TTC12: variants seen among roughly 807,000 people sequenced by gnomAD.
TTC12 encodes the protein tetratricopeptide repeat domain 12.
In TTC12, 70 loss-of-function variants were observed where a neutral mutation model predicts 90.1. The observed-to-expected ratio is 0.78, with a 90% confidence interval of 0.64 to 0.95. The LOEUF is 0.95. Among genes scored for constraint, TTC12 ranks in the 40% least tolerant of loss-of-function variants. The pLI, the probability that TTC12 is intolerant of heterozygous loss-of-function variation, is 0.00. For synonymous variants in TTC12, 296 were observed against 311.5 expected, an observed-to-expected ratio of 0.95 and a Z score of 0.53; for missense variants, 819 against 846.1, an observed-to-expected ratio of 0.97 and a Z score of 0.40.
intron 19 of TTC12, 89 bp from the exon 20 acceptor site, chr11:113,363,739 C>T (rs1950061034): frequency 1.3e-5 from 11 of 863,878 alleles, no homozygotes; most frequent in Non-Finnish European, 2.0e-5. Context: ...TAGGAAGCCA[C>T]TAGCGCTATA....
At position 113,346,302 on chromosome 11, in the gene TTC12, C is replaced by G. The variant is rs377346555; in HGVS notation, c.1154+1862C>G. ...AGGCCCCGGCATCTCATCTGCATCACTCACTTATGATGACACGGGGGGTGA... is the reference window on the plus strand; with the variant it reads ...AGGCCCCGGCATCTCATCTGCATCAGTCACTTATGATGACACGGGGGGTGA... On this transcript the variant is annotated intron_variant, in intron 13 of 21. Coordinates refer to ENST00000529221, the MANE Select transcript of TTC12 (RefSeq NM_017868.4). 8.7e-4 allele frequency among the ~76,000 whole-genome samples: 133 copies of G among 152,212 alleles called. 3 individuals carry two copies. The South Asian group carries it at 0.027, about 31-fold the overall frequency.
intron 1 of TTC12, 81 bp from the exon 2 acceptor site, chr11:113,316,162 A>G (rs1555135423): frequency 1.2e-5 from 7 of 561,808 alleles, no homozygotes; most frequent in Non-Finnish European, 2.9e-6. Context: ...CTTGGCTCTT[A>G]GTTTTAGAAG....
intron 6 of TTC12, among the ~76,000 whole-genome samples, chr11:113,328,420 A>G (rs1947824161): frequency 6.6e-6 from 1 of 152,148 alleles, no homozygotes. Context: ...GTTTGAATGG[A>G]TCACGGAATT....
At chr11:113,345,766 T>C (rs919930008) in intron 13 of TTC12, among the ~76,000 whole-genome samples, 18 of 152,152 alleles carry the variant, frequency 1.2e-4, no homozygotes, top group African/African-American at 4.3e-4. Flanking sequence ...GATACCTTCA[T>C]CGTATTTTTT....
chr11:113,338,698 C>G, intron 8 of TTC12, 76 bp from the exon 9 acceptor site: 7 of 1,140,720 alleles, frequency 6.1e-6, no homozygotes, highest in Non-Finnish European at 6.5e-6. Context: ...AGCAGCCAAG[C>G]CCAATGACAC....
At chr11:113,359,212 A>G (rs1290252021) in intron 16 of TTC12, 151 bp from the exon 17 acceptor site, 9 of 571,164 alleles carry the variant, frequency 1.6e-5, no homozygotes, top group African/African-American at 7.5e-5. Flanking sequence ...AACTCATAGA[A>G]CTGGTCTCTG....
chr11:113,315,075 C>T, intron 1 of TTC12: 1 of 152,486 alleles, frequency 6.6e-6, no homozygotes, highest in Non-Finnish European at 1.5e-5. Flanking sequence ...TTCTAACCTT[C>T]ATACCGTTGG....
intron 12 of TTC12, 49 bp downstream of exon 12, chr11:113,341,974 G>T: frequency 6.7e-7 from 1 of 1,503,370 alleles, no homozygotes; most frequent in Non-Finnish European, 9.3e-7. Context: ...CTGCGTGCAG[G>T]AACTACGCTG....
chr11:113,340,841 C>G (rs377466756), intron 11 of TTC12, 108 bp downstream of exon 11: 23 of 934,522 alleles, frequency 2.5e-5, no homozygotes, highest in Admixed American at 1.1e-4. Flanking sequence ...AACATTACCC[C>G]CCTTCAGTCA....
Position 113,316,325 on chromosome 11 carries a change from A to G in TTC12, c.58+10A>G, listed in dbSNP as rs782519713. On this transcript the variant is annotated intron_variant, in intron 2 of 21. Coordinates refer to ENST00000529221, the MANE Select transcript of TTC12 (RefSeq NM_017868.4). Reference sequence around the variant, plus strand: ...AATGTGGATGAAATCTGTAAGTACTAGTAAATCATAAATTAATTTCTGCTT... The same window carrying G: ...AATGTGGATGAAATCTGTAAGTACTGGTAAATCATAAATTAATTTCTGCTT... 6 of 1,338,262 alleles carry G rather than the reference A, an allele frequency of 4.5e-6. No individual in the cohort carries two copies. Among genetic ancestry groups the G allele is most frequent in the Non-Finnish European group, 6.0e-6 (6 of 999,252 alleles). 82.9% of individuals were successfully genotyped at this position (1,338,262 alleles called of 1,614,324 possible).
intron 2 of TTC12, among the ~76,000 whole-genome samples, chr11:113,320,581 T>C (rs1947249206): frequency 6.6e-6 from 1 of 152,196 alleles, no homozygotes; most frequent in Non-Finnish European, 1.5e-5. Context: ...ACATTCATCC[T>C]TTAGTCCTGT....
intron 6 of TTC12, among the ~76,000 whole-genome samples, chr11:113,326,170 G>T (rs781950636): frequency 5.9e-5 from 9 of 152,108 alleles, no homozygotes; most frequent in Admixed American, 2.0e-4. Flanking sequence ...GAAATTTTGG[G>T]TTTCTGAAGG....
At chr11:113,315,483 T>C (rs1946876832) in intron 1 of TTC12, among the ~76,000 whole-genome samples, 1 of 152,170 alleles carries the variant, frequency 6.6e-6, no homozygotes, top group Non-Finnish European at 1.5e-5. Flanking sequence ...ACCTGGAAAG[T>C]GTTTAAAATC....
At chr11:113,344,136 CCA>C (rs1948820250) in intron 12 of TTC12, 134 bp from the exon 13 acceptor site, 9 of 1,024,654 alleles carry the variant, frequency 8.8e-6, no homozygotes, top group Non-Finnish European at 1.3e-5. Context: ...GTTCTAGAAT[CCA>C]CACTCTTACA....
At chr11:113,336,254 A>G (rs1296074949) in intron 8 of TTC12, among the ~76,000 whole-genome samples, 1 of 152,036 alleles carries the variant, frequency 6.6e-6, no homozygotes, top group Non-Finnish European at 1.5e-5. Context: ...TGAGGTGTAA[A>G]TGTTATTTAT....
At chr11:113,351,360 G>A (rs1949284349) in intron 15 of TTC12, 61 bp downstream of exon 15, 3 of 1,336,856 alleles carry the variant, frequency 2.2e-6, no homozygotes, top group Non-Finnish European at 3.2e-6. Context: ...GAATGGGGCT[G>A]TTTAAACACA....
chr11:113,329,611 T>G (rs1555142024), intron 6 of TTC12: 1 of 502,942 alleles, frequency 2.0e-6, no homozygotes, highest in African/African-American at 1.9e-5. Flanking sequence ...ATTTTGTTCA[T>G]TGCTCCCTCC....
chr11:113,351,767 A>G (rs1555150301), intron 15 of TTC12, among the ~76,000 whole-genome samples: 2 of 152,198 alleles, frequency 1.3e-5, no homozygotes, highest in African/African-American at 4.8e-5. Context: ...CTTAGAGAGC[A>G]TAACCACACC....
intron 8 of TTC12, among the ~76,000 whole-genome samples, chr11:113,336,614 C>A (rs562867749): frequency 2.6e-5 from 4 of 152,106 alleles, no homozygotes; most frequent in African/African-American, 9.6e-5. Flanking sequence ...TCTACTTGTC[C>A]CATTACCATT....
Sources: gnomAD v4.1 joint callset for allele counts (sites outside exome capture counted in the v4.1 genomes callset) on GRCh38, gnomAD v4.1.1 for gene constraint, MANE v1.5 for transcripts, NCBI Gene and HGNC (gene_info 2026-07-23, HGNC 2026-07-21) for gene names.